CDC25C: variants seen among roughly 807,000 people sequenced by gnomAD.
The protein encoded by CDC25C is M-phase inducer phosphatase 3.
Under a neutral mutation model 52.5 loss-of-function variants are expected in CDC25C, and 48 were observed. The observed-to-expected ratio is 0.91, with a 90% confidence interval of 0.72 to 1.16. The LOEUF is 1.16. CDC25C is among the 50% of genes most tolerant of loss of function. CDC25C has a pLI of 0.00. For synonymous variants in CDC25C, 187 were observed against 206.5 expected (o/e 0.91, Z 0.81); for missense variants, 510 against 566.1 (o/e 0.90, Z 1.01).
At chr5:138,328,839 G>A (rs1760099747) in intron 3 of CDC25C, 2 of 237,368 alleles carry the variant, frequency 8.4e-6, no homozygotes, top group Admixed American at 5.1e-5. Flanking sequence ...TTAGAATTCT[G>A]GAAGGTTAAC....
chr5:138,294,725 C>T (rs1398688176), intron 7 of CDC25C, among the ~76,000 whole-genome samples: 1 of 151,986 alleles, frequency 6.6e-6, no homozygotes, highest in Non-Finnish European at 1.5e-5. Flanking sequence ...AGGATGGTCT[C>T]GATCTTCTGA....
intron 6 of CDC25C, among the ~76,000 whole-genome samples, chr5:138,321,129 C>T (rs1354365581): frequency 1.3e-5 from 2 of 151,762 alleles, no homozygotes; most frequent in Admixed American, 6.6e-5. Flanking sequence ...TATTATTCTA[C>T]TCATATGAGG....
chr5:138,337,003 T>C (rs1342768294), intron 1 of CDC25C: 1 of 152,166 alleles, frequency 6.6e-6, no homozygotes, highest in Non-Finnish European at 1.5e-5. Context: ...ACAAAATATT[T>C]ACAGAAAACA....
In CDC25C at chr5:138,291,855, A is replaced by C. The variant is rs184628552; in HGVS notation, c.762+115T>G. 51 of 709,662 alleles carry C rather than the reference A, an allele frequency of 7.2e-5. No individual in the cohort carries two copies. The African/African-American group carries it at 8.1e-4, about 11-fold the overall frequency. The allele number at this position is 709,662 out of a possible 1,614,324, so 44.0% of individuals were successfully genotyped here. A position where few individuals can be genotyped will look rare whatever the true frequency, so the allele number is the denominator to read the frequency against. On this transcript the variant is annotated intron_variant, in intron 8 of 13. Coordinates refer to ENST00000323760, the MANE Select transcript of CDC25C (RefSeq NM_001790.5). ...AAAGATGGAAAGAACAAAGAGGAAA[A>C]AGTAAAAGTAAAGAGGAAGAAGACA...
intron 4 of CDC25C, 63 bp downstream of exon 4, chr5:138,328,421 T>C: frequency 6.8e-7 from 1 of 1,471,502 alleles, no homozygotes; most frequent in South Asian, 1.1e-5. Flanking sequence ...CTGCACAGGA[T>C]AAAATCTCTA....
At chr5:138,309,692 T>G (rs2126748029) in intron 7 of CDC25C, among the ~76,000 whole-genome samples, 1 of 148,946 alleles carries the variant, frequency 6.7e-6, no homozygotes, top group South Asian at 2.1e-4. Flanking sequence ...TCAAACTAAC[T>G]AAAACCTCCC....
upstream of CDC25C, among the ~76,000 whole-genome samples, chr5:138,336,282 G>A (rs975333917): frequency 6.6e-6 from 1 of 151,978 alleles, no homozygotes; most frequent in African/African-American, 2.4e-5. Flanking sequence ...ACAGATGGGC[G>A]CCACAATGCC....
chr5:138,304,435 G>T (rs1281885092), intron 7 of CDC25C, among the ~76,000 whole-genome samples: 1 of 143,756 alleles, frequency 7.0e-6, no homozygotes, highest in East Asian at 2.1e-4. Context: ...CAACACCTTA[G>T]TTCAGGCTAC....
In CDC25C at chr5:138,328,479, C is replaced by G. The variant is rs773475506; in HGVS notation, c.335+5G>C. ...GTGTGGGGTTCATTTAACAACAGAA[C>G]TTACATCCCAGCTAAATGCACTTCC... On this transcript the variant is annotated splice_donor_5th_base_variant and intron_variant, in intron 4 of 13. Transcript: ENST00000323760. 6.2e-7 allele frequency: 1 copy of G among 1,613,556 alleles called. No homozygotes were observed. The highest frequency in any genetic ancestry group is 8.5e-7 in the Non-Finnish European group (1 of 1,179,484).
chr5:138,334,882 T>C (rs1309966291), upstream of CDC25C, among the ~76,000 whole-genome samples: 1 of 152,256 alleles, frequency 6.6e-6, no homozygotes, highest in African/African-American at 2.4e-5. Context: ...ATATCTAAGT[T>C]ATCCTTCCCA....
chr5:138,325,818 T>C lies in CDC25C; in HGVS notation c.456A>G (p.Glu152=), dbSNP rs1759805046. 1.2e-6 allele frequency: 2 copies of C among 1,609,070 alleles called. No homozygotes were observed. The change falls in exon 6 of 14, where the codon GAA becomes GAG. Residue 152 remains glutamate, a synonymous_variant. Coordinates refer to ENST00000323760, the MANE Select transcript of CDC25C (RefSeq NM_001790.5). ...TAGGTTTCCATTAAACACTCACATT[T>C]TCTTTATTTGCAGATGAACTACACA... The part of the protein sequence containing the change: ...DAMCSSSANK[E]NDNGNLVDSE...
intron 6 of CDC25C, among the ~76,000 whole-genome samples, chr5:138,321,287 C>T (rs1278538194): frequency 1.3e-5 from 2 of 151,948 alleles, no homozygotes; most frequent in Admixed American, 6.6e-5. Context: ...GTGATAGTCT[C>T]ACATTATTAA....
At chr5:138,304,960 G>A (rs1441118478) in intron 7 of CDC25C, among the ~76,000 whole-genome samples, 1 of 152,080 alleles carries the variant, frequency 6.6e-6, no homozygotes, top group Non-Finnish European at 1.5e-5. Flanking sequence ...ACTCACCATA[G>A]CCTAAAGACC....
chr5:138,290,283 A>T (rs944401632), intron 9 of CDC25C, among the ~76,000 whole-genome samples: 1 of 143,824 alleles, frequency 7.0e-6, no homozygotes, highest in African/African-American at 2.5e-5. Context: ...GTAGGGGGGA[A>T]AAAAAGAGTA....
At chr5:138,287,604 T>C (rs1379044036) in intron 10 of CDC25C, among the ~76,000 whole-genome samples, 17 of 152,130 alleles carry the variant, frequency 1.1e-4, no homozygotes, top group Non-Finnish European at 2.9e-5. Flanking sequence ...AGCTTGAAAT[T>C]GCAGGAAGAA....
intron 7 of CDC25C, among the ~76,000 whole-genome samples, chr5:138,300,605 GC>G (rs1757559466): frequency 6.6e-6 from 1 of 151,848 alleles, no homozygotes; most frequent in Non-Finnish European, 1.5e-5. Context: ...AAACTAATAA[GC>G]ATATAGATGT....
intron 7 of CDC25C, among the ~76,000 whole-genome samples, chr5:138,307,669 A>G (rs542791894): frequency 3.3e-5 from 5 of 151,986 alleles, no homozygotes; most frequent in Non-Finnish European, 5.9e-5. Flanking sequence ...TTCAAAGACC[A>G]TCAAAATGCA....
chr5:138,286,058 A>C lies in CDC25C; in HGVS notation c.1236T>G (p.Leu412=), dbSNP rs983739803. The change falls in exon 13 of 14, where the codon CTT becomes CTG. Residue 412 remains leucine, a synonymous_variant. Transcript: ENST00000323760. ...GAAAGAAGTCTCTGTAGCCGCCTTT[A>C]AGGATATATAGCTCTGGGTAGTACA... The part of the protein sequence containing the change: ...PALYYPELYI[L]KGGYRDFFPE... The C allele has an allele frequency of 6.2e-7, 1 of 1,613,946 alleles. No individual in the cohort carries two copies. Among genetic ancestry groups the C allele is most frequent in the South Asian group, 1.1e-5 (1 of 91,068 alleles).
At chr5:138,329,476 C>T (rs564414197) in intron 3 of CDC25C, 77 bp downstream of exon 3, 23 of 933,764 alleles carry the variant, frequency 2.5e-5, no homozygotes, top group African/African-American at 6.6e-5. Flanking sequence ...CACCACCTTC[C>T]GTCTCTATCC....
Sources: allele counts gnomAD v4.1 joint callset (sites outside exome capture counted in the v4.1 genomes callset), GRCh38; gene constraint gnomAD v4.1.1; transcripts MANE v1.5; gene names NCBI Gene and HGNC (gene_info 2026-07-23, HGNC 2026-07-21).